TMEM182: variants seen among roughly 807,000 people sequenced by gnomAD.
The protein encoded by TMEM182 is transmembrane protein 182.
A neutral mutation model predicts 26.8 loss-of-function variants in TMEM182; 20 were observed. The observed-to-expected ratio is 0.75, with a 90% confidence interval of 0.53 to 1.09. TMEM182 has a LOEUF of 1.09. TMEM182 is among the 50% of genes least tolerant of loss of function. The pLI, the probability that TMEM182 is intolerant of heterozygous loss-of-function variation, is 0.00. For synonymous variants in TMEM182, 109 were observed against 102.2 expected, an observed-to-expected ratio of 1.07 and a Z score of -0.40; for missense variants, 277 against 275.5, an observed-to-expected ratio of 1.01 and a Z score of -0.04.
intron 3 of TMEM182, among the ~76,000 whole-genome samples, chr2:102,827,840 C>T (rs1055081328): frequency 6.6e-6 from 1 of 152,164 alleles, no homozygotes; most frequent in Non-Finnish European, 1.5e-5. Context: ...GGTGTGGTGG[C>T]TCACACCTGT....
intron 3 of TMEM182, among the ~76,000 whole-genome samples, chr2:102,782,860 C>T (rs1401237522): frequency 6.6e-6 from 1 of 152,032 alleles, no homozygotes; most frequent in Non-Finnish European, 1.5e-5. Context: ...AGTTTGGGGA[C>T]ATGGGGATAA....
At chr2:102,790,834 T>G (rs1368426954) in intron 3 of TMEM182, among the ~76,000 whole-genome samples, 3 of 152,216 alleles carry the variant, frequency 2.0e-5, no homozygotes, top group African/African-American at 7.2e-5. Context: ...TGGATAAAAT[T>G]GAGACATCAG....
rs555580573 is a variant in TMEM182 at position 102,815,306 on chromosome 2, G to T, written c.*338G>T. 3.9e-6 allele frequency: 4 copies of T among 1,019,134 alleles called. No homozygotes were observed. In the South Asian group the frequency reaches 1.7e-4, roughly 44 times the overall value. The allele number at this position is 1,019,134 out of a possible 1,614,324, so 63.1% of individuals were successfully genotyped here. A position where few individuals can be genotyped will look rare whatever the true frequency, so the allele number is the denominator to read the frequency against. ...CATGGGGAAAATCTCGATAGATTTG[G>T]CTTAAAGTCTCCTTGGCATTCACTT... On this transcript the variant is annotated 3_prime_UTR_variant, in exon 5 of 5. Transcript: ENST00000412401.
At chr2:102,784,886 C>CAA (rs1216985081) in intron 3 of TMEM182, among the ~76,000 whole-genome samples, 1 of 152,124 alleles carries the variant, frequency 6.6e-6, no homozygotes, top group Non-Finnish European at 1.5e-5. Context: ...TTCTTTACTG[C>CAA]AACCTGTTTT....
chr2:102,758,321 T>C (rs557078293), upstream of TMEM182: 18 of 613,590 alleles, frequency 2.9e-5, 2 homozygotes, highest in South Asian at 3.7e-4. Context: ...TCCTAGTGCA[T>C]GGACATTTTC....
intron 3 of TMEM182, among the ~76,000 whole-genome samples, chr2:102,769,076 C>T (rs1680575741): frequency 6.6e-6 from 1 of 152,148 alleles, no homozygotes; most frequent in South Asian, 2.1e-4. Flanking sequence ...CTTTCATCCT[C>T]AGAAAAGAGG....
intron 2 of TMEM182, among the ~76,000 whole-genome samples, chr2:102,764,046 G>C (rs1205083779): frequency 6.6e-6 from 1 of 152,120 alleles, no homozygotes; most frequent in Non-Finnish European, 1.5e-5. Flanking sequence ...ATGAAATGTG[G>C]TACCTTAAAT....
At chr2:102,757,262 G>C (rs1286366192), upstream of TMEM182, among the ~76,000 whole-genome samples, 1 of 152,160 alleles carries the variant, frequency 6.6e-6, no homozygotes, top group Non-Finnish European at 1.5e-5. Flanking sequence ...TTAGACTTGG[G>C]AGCACAGGGA....
intron 1 of TMEM182, among the ~76,000 whole-genome samples, chr2:102,752,329 C>T (rs1467269886): frequency 1.3e-5 from 2 of 152,226 alleles, no homozygotes; most frequent in Non-Finnish European, 2.9e-5. Flanking sequence ...TTACCTTTGA[C>T]ATTTTTGTTA....
chr2:102,768,705 A>C (rs1055982131), intron 3 of TMEM182, among the ~76,000 whole-genome samples: 6 of 151,946 alleles, frequency 3.9e-5, no homozygotes, highest in Non-Finnish European at 8.8e-5. Context: ...CATCTCAAAA[A>C]AAATTTATTT....
intron 3 of TMEM182, among the ~76,000 whole-genome samples, chr2:102,842,697 C>T (rs1247410071): frequency 2.0e-5 from 3 of 152,146 alleles, no homozygotes; most frequent in African/African-American, 4.8e-5. Flanking sequence ...TTGTTCCTTC[C>T]TTGCTGCATA....
In TMEM182 at chr2:102,744,965, T is replaced by C. The variant is rs573005888; in HGVS notation, c.-83+7952T>C. 1.2e-4 allele frequency among the ~76,000 whole-genome samples: 19 copies of C among 152,256 alleles called. No homozygotes were observed. The East Asian group carries it at 3.1e-3, about 25-fold the overall frequency. On this transcript the variant is annotated intron_variant, in intron 1 of 5. Coordinates refer to the TMEM182 transcript ENST00000409173. The stretch of plus-strand genomic sequence containing the variant: ...TTGATGTCTATCTATAATTCGGGAG[T>C]ATTCTCAGCCATTGTATCTTCAAAT...
chr2:102,744,118 G>A (rs1558749283), intron 1 of TMEM182, among the ~76,000 whole-genome samples: 1 of 152,112 alleles, frequency 6.6e-6, no homozygotes. Context: ...TTTGTCTCAA[G>A]CTCAAATTGA....
chr2:102,822,603 C>T (rs1165344757), downstream of TMEM182, among the ~76,000 whole-genome samples: 1 of 152,080 alleles, frequency 6.6e-6, no homozygotes, highest in East Asian at 1.9e-4. Flanking sequence ...TGTTGTGCAA[C>T]TTCTAAAAGC....
At chr2:102,799,590 G>A (rs887748864) in intron 4 of TMEM182, among the ~76,000 whole-genome samples, 2 of 152,212 alleles carry the variant, frequency 1.3e-5, no homozygotes, top group Non-Finnish European at 2.9e-5. Flanking sequence ...GGACAAAAAG[G>A]GCAGGATCTA....
chr2:102,802,296 G>A (rs151326794), intron 4 of TMEM182, among the ~76,000 whole-genome samples: 6 of 152,304 alleles, frequency 3.9e-5, no homozygotes, highest in Non-Finnish European at 5.9e-5. Flanking sequence ...GGGTAGGAGC[G>A]GTGGGGCCCA....
chr2:102,827,787 G>T lies in TMEM182; in HGVS notation c.326-15625G>T, dbSNP rs144686931. On this transcript the variant is annotated intron_variant, in intron 3 of 3. Transcript: ENST00000486293. The stretch of plus-strand genomic sequence containing the variant: ...AACAAGCAGCTTCCACAAAGATTTG[G>T]CTAATACGTACACTGGATAAAAATG... 4.5e-4 allele frequency among the ~76,000 whole-genome samples: 69 copies of T among 152,318 alleles called. 1 individual carries two copies. The East Asian group carries it at 0.011, about 24-fold the overall frequency.
In TMEM182 at chr2:102,817,508, A is replaced by C; in HGVS notation, c.*2540A>C. 1.0e-6 allele frequency: 1 copy of C among 985,426 alleles called. No homozygotes were observed. The highest frequency in any genetic ancestry group is 1.2e-6 in the Non-Finnish European group (1 of 829,918). The allele number at this position is 985,426 out of a possible 1,614,324, so 61.0% of individuals were successfully genotyped here. ...CATTGGAATTGGCTGGAGAGACTAC[A>C]CAGAGAAGTTTAATGATCGTGTACA... On this transcript the variant is annotated 3_prime_UTR_variant, in exon 5 of 5. Coordinates refer to ENST00000412401, the MANE Select transcript of TMEM182 (RefSeq NM_144632.5).
At chr2:102,809,879 A>AGT (rs914081934) in intron 4 of TMEM182, among the ~76,000 whole-genome samples, 2 of 152,144 alleles carry the variant, frequency 1.3e-5, no homozygotes, top group African/African-American at 4.8e-5. Context: ...CTTCATAATG[A>AGT]GTGTTTTGAC....
Sources: gnomAD v4.1 joint callset for allele counts (sites outside exome capture counted in the v4.1 genomes callset) on GRCh38, gnomAD v4.1.1 for gene constraint, MANE v1.5 for transcripts, NCBI Gene and HGNC (gene_info 2026-07-23, HGNC 2026-07-21) for gene names.